Variants in PRMT7 observed in about 807,000 individuals in gnomAD.
PRMT7 encodes the protein protein arginine N-methyltransferase 7.
In PRMT7, 75 loss-of-function variants were observed where a neutral mutation model predicts 85.4. The ratio of observed to expected loss-of-function variants is 0.88; its 90% confidence interval spans 0.73 to 1.06. The LOEUF (loss-of-function observed/expected upper bound fraction) is 1.06. Among genes scored for constraint, PRMT7 ranks in the 50% least tolerant of loss-of-function variants. PRMT7 has a pLI of 0.00. For missense variants in PRMT7, 868 were observed against 915.2 expected (o/e 0.95, Z 0.67); for synonymous variants, 397 against 359.5 (o/e 1.10, Z -1.18).
intron 1 of PRMT7, 77 bp from the exon 2 acceptor site, chr16:68,311,965 T>TGGC (rs1394199773): frequency 6.6e-6 from 1 of 152,150 alleles, no homozygotes; most frequent in Non-Finnish European, 1.5e-5. Context: ...CTTGTGGTGG[T>TGGC]GGCTCCAGTC....
intron 6 of PRMT7, among the ~76,000 whole-genome samples, chr16:68,335,459 T>A (rs2084533041): frequency 2.0e-5 from 3 of 151,982 alleles, no homozygotes; most frequent in South Asian, 4.2e-4. Context: ...TGGAGTTTGA[T>A]GTGACATCAG....
intron 4 of PRMT7, 57 bp downstream of exon 4, chr16:68,321,519 C>T: frequency 1.3e-6 from 2 of 1,502,338 alleles, no homozygotes; most frequent in Non-Finnish European, 1.8e-6. Context: ...TCTTGGATTA[C>T]AAGAAGGTTA....
intron 2 of PRMT7, among the ~76,000 whole-genome samples, chr16:68,312,621 T>G (rs947663411): frequency 6.6e-5 from 10 of 152,314 alleles, no homozygotes; most frequent in South Asian, 2.1e-4. Context: ...TGGTTTCTAT[T>G]TCCTCCTTGT....
At position 68,337,449 on chromosome 16, in the gene PRMT7, T is replaced by C; in HGVS notation, c.392-10T>C. 1 of 1,592,182 alleles carries C rather than the reference T, an allele frequency of 6.3e-7. No individual in the cohort carries two copies. The highest frequency in any genetic ancestry group is 8.6e-7 in the Non-Finnish European group (1 of 1,165,712). ...GCTTATGTCCAACTCTGTTTTCTTG[T>C]GTTTTTCAGAGGGTGACATGCCATG... On this transcript the variant is annotated splice_polypyrimidine_tract_variant and intron_variant, in intron 6 of 18. Coordinates refer to ENST00000441236, the MANE Select transcript of PRMT7 (RefSeq NM_019023.5).
At chr16:68,311,376 C>T (rs2043646452) in intron 1 of PRMT7, 1 of 275,386 alleles carries the variant, frequency 3.6e-6, no homozygotes, top group African/African-American at 2.3e-5. Context: ...GCAGTAGCTC[C>T]AACCATCGCA....
At chr16:68,340,721 C>A (rs545388369) in intron 9 of PRMT7, among the ~76,000 whole-genome samples, 5 of 152,278 alleles carry the variant, frequency 3.3e-5, no homozygotes, top group Admixed American at 3.3e-4. Flanking sequence ...GTCATCAGAA[C>A]GTTTCAGGTA....
At chr16:68,343,675 A>G (rs1371900288) in intron 9 of PRMT7, among the ~76,000 whole-genome samples, 1 of 152,152 alleles carries the variant, frequency 6.6e-6, no homozygotes, top group Non-Finnish European at 1.5e-5. Context: ...CTTCACATGC[A>G]TTTGCATAGT....
In PRMT7 at chr16:68,312,267, G is replaced by C. The variant is rs1262373118; in HGVS notation, c.-84+91G>C. 4 of 147,518 alleles carry C rather than the reference G, an allele frequency of 2.7e-5. No homozygotes were observed. The East Asian group carries it at 5.9e-4, about 22-fold the overall frequency. The allele number at this position is 147,518 out of a possible 1,614,324, so 9.1% of individuals were successfully genotyped here. A position where few individuals can be genotyped will look rare whatever the true frequency, so the allele number is the denominator to read the frequency against. ...AGACAGGGTCTCACTCTGTCACCCA[G>C]GCTGGAGTTCAGTGGCGCCATCTCT... is the stretch of plus-strand genomic sequence containing the variant. On this transcript the variant is annotated intron_variant, in intron 2 of 18. Coordinates refer to ENST00000441236, the MANE Select transcript of PRMT7 (RefSeq NM_019023.5).
chr16:68,329,302 T>G, intron 6 of PRMT7, 128 bp downstream of exon 6: 1 of 639,534 alleles, frequency 1.6e-6, no homozygotes, highest in Non-Finnish European at 2.7e-6. Context: ...TGTGGAGCTC[T>G]GACAGTAAGG....
At chr16:68,352,561 A>G in intron 15 of PRMT7, 152 bp downstream of exon 15, 1 of 625,422 alleles carries the variant, frequency 1.6e-6, no homozygotes, top group Non-Finnish European at 2.5e-6. Flanking sequence ...TGTGGGGTTG[A>G]ATAGAAGATG....
intron 6 of PRMT7, among the ~76,000 whole-genome samples, chr16:68,330,118 C>A (rs927232966): frequency 1.3e-5 from 2 of 151,516 alleles, no homozygotes; most frequent in African/African-American, 2.4e-5. Flanking sequence ...GGTCTTGAAC[C>A]CCTGACCTCA....
At chr16:68,333,538 G>A (rs1004446769) in intron 6 of PRMT7, among the ~76,000 whole-genome samples, 18 of 152,002 alleles carry the variant, frequency 1.2e-4, no homozygotes, top group Non-Finnish European at 2.4e-4. Flanking sequence ...TCACAGGCTG[G>A]TCTTGAACGC....
chr16:68,315,842 A>AT (rs1322268228), intron 2 of PRMT7, 55 bp from the exon 3 acceptor site: 25 of 723,574 alleles, frequency 3.5e-5, no homozygotes, highest in African/African-American at 1.1e-4. Flanking sequence ...CTGTTAATAG[A>AT]TTTTTTTTCT....
Position 68,357,113 on chromosome 16 carries a change from A to G in PRMT7, c.1968A>G (p.Pro656=). The change falls in exon 19 of 19, where the codon CCA becomes CCG. Residue 656 remains proline (P), a synonymous_variant. Coordinates refer to ENST00000441236, the MANE Select transcript of PRMT7 (RefSeq NM_019023.5). ...CCGTCTACTTCTTCAGCCCTGCCCC[A>G]GATCCCAGAGCACTGCTGGGTGGCC... ...KQAVYFFSPA[P]DPRALLGGPR... 1.2e-6 allele frequency: 2 copies of G among 1,613,864 alleles called. No individual in the cohort carries two copies. The highest frequency in any genetic ancestry group is 1.6e-4 in the Middle Eastern group (1 of 6,062).
At chr16:68,328,941 G>A in intron 5 of PRMT7, 125 bp from the exon 6 acceptor site, 2 of 629,774 alleles carry the variant, frequency 3.2e-6, no homozygotes, top group South Asian at 3.7e-5. Flanking sequence ...TGCACATTTG[G>A]AGAATAAAGT....
chr16:68,345,722 G>A lies in PRMT7; in HGVS notation c.975G>A (p.Glu325=), dbSNP rs772060110. 1.9e-6 allele frequency: 3 copies of A among 1,614,092 alleles called. No homozygotes were observed. Among genetic ancestry groups the A allele is most frequent in the Admixed American group, 1.7e-5 (1 of 60,030 alleles). The change falls in exon 10 of 19, where the codon GAG becomes GAA. Residue 325 remains glutamate, a synonymous_variant. Transcript: ENST00000441236. ...MQCVYFLPQE[E]PVVQGSALYL... ...GTGTGTACTTCCTGCCACAAGAGGA[G>A]CCTGTGGTGCAGGGCTCAGCGCTCT...
At position 68,329,091 on chromosome 16, in the gene PRMT7, C is replaced by T; in HGVS notation, c.308C>T (p.Ala103Val). ...GTTTTCAAGCCTATGGCTGATGCTG[C>T]TGTGAAGATTGTGGAGAAAAATGGC... ...IEVFKPMADA[A>V]VKIVEKNGFS... Residue 103 changes from alanine (A) to valine (V), a missense_variant, in exon 6 of 19, where the codon GCT (alanine) becomes GTT (valine). Ala to Val is a moderately conservative substitution (Grantham distance 64). Transcript: ENST00000441236. The T allele has an allele frequency of 1.9e-6, 3 of 1,611,462 alleles. No individual in the cohort carries two copies. The highest frequency in any genetic ancestry group is 1.3e-5 in the African/African-American group (1 of 74,980).
intron 5 of PRMT7, among the ~76,000 whole-genome samples, chr16:68,327,572 G>A (rs1344964130): frequency 6.6e-6 from 1 of 152,118 alleles, no homozygotes; most frequent in African/African-American, 2.4e-5. Flanking sequence ...AGGTAAGGGA[G>A]GGCCTCCAAA....
At position 68,325,968 on chromosome 16, in the gene PRMT7, C is replaced by A. The variant is rs561648088; in HGVS notation, c.282+1136C>A. Among the ~76,000 whole-genome samples, 6 of 152,110 alleles carry A rather than the reference C, an allele frequency of 3.9e-5. No homozygotes were observed. The South Asian group carries it at 8.3e-4, about 21-fold the overall frequency. ...TCTTATGTTTACCAATTTGTCATTT[C>A]TTTAATAAAACATTAAACAGCTTGA... On this transcript the variant is annotated intron_variant, in intron 5 of 18. Transcript: ENST00000441236.
Sources: gnomAD v4.1 joint callset for allele counts (sites outside exome capture counted in the v4.1 genomes callset) on GRCh38, gnomAD v4.1.1 for gene constraint, MANE v1.5 for transcripts, NCBI Gene and HGNC (gene_info 2026-07-23, HGNC 2026-07-21) for gene names.